IGF2BP3: variants seen among roughly 807,000 people sequenced by gnomAD.
The protein encoded by IGF2BP3 is insulin like growth factor 2 mRNA binding protein 3, also known as insulin-like growth factor 2 mRNA-binding protein 3.
In IGF2BP3, 9 loss-of-function variants were observed where a neutral mutation model predicts 73.8. That is an observed-to-expected ratio of 0.12 (90% confidence interval 0.07 to 0.21). The LOEUF is 0.21. Ranked by LOEUF, IGF2BP3 falls within the 10% of genes least tolerant of loss-of-function variation. The pLI is 1.00. For synonymous variants in IGF2BP3, 258 were observed against 256.7 expected, an observed-to-expected ratio of 1.01 and a Z score of -0.05; for missense variants, 542 against 714.0, an observed-to-expected ratio of 0.76 and a Z score of 2.75.
At chr7:23,461,686 G>A (rs1021299893) in intron 2 of IGF2BP3, among the ~76,000 whole-genome samples, 4 of 152,058 alleles carry the variant, frequency 2.6e-5, no homozygotes, top group Non-Finnish European at 5.9e-5. Flanking sequence ...ATCTCCTGCC[G>A]GAATATTACA....
chr7:23,358,804 A>G (rs1022463382), intron 5 of IGF2BP3, among the ~76,000 whole-genome samples: 2 of 152,236 alleles, frequency 1.3e-5, no homozygotes, highest in African/African-American at 4.8e-5. Context: ...CCTTAGATTA[A>G]CTTTTAAAAA....
In IGF2BP3 at chr7:23,371,708, G is replaced by A. The variant is rs1785553416; in HGVS notation, c.286-9967C>T. Among the ~76,000 whole-genome samples the A allele has an allele frequency of 3.3e-5, 5 of 152,260 alleles. No homozygotes were observed. The South Asian group carries it at 1.0e-3, about 32-fold the overall frequency. On this transcript the variant is annotated intron_variant, in intron 3 of 14. Coordinates refer to ENST00000258729, the MANE Select transcript of IGF2BP3 (RefSeq NM_006547.3). ...CTTTATCATCGAAAAGCCCCAGAGG[G>A]AAGCTCAGCCTCCATCATACCACAC...
intron 2 of IGF2BP3, among the ~76,000 whole-genome samples, chr7:23,437,304 AAACC>A (rs1787828756): frequency 6.6e-6 from 1 of 151,324 alleles, no homozygotes; most frequent in Admixed American, 6.6e-5. Context: ...CCACATGGTG[AAACC>A]CCCATCTCTA....
chr7:23,453,843 T>G (rs1043941030), intron 2 of IGF2BP3, among the ~76,000 whole-genome samples: 5 of 152,312 alleles, frequency 3.3e-5, no homozygotes, highest in East Asian at 3.9e-4. Flanking sequence ...GTGTTTTTTT[T>G]GTTTGTTTTG....
At chr7:23,438,604 C>A (rs928848189) in intron 2 of IGF2BP3, among the ~76,000 whole-genome samples, 12 of 152,118 alleles carry the variant, frequency 7.9e-5, no homozygotes, top group Admixed American at 7.2e-4. Flanking sequence ...CACAGTGAGA[C>A]CGACTCTATT....
intron 5 of IGF2BP3, among the ~76,000 whole-genome samples, chr7:23,355,721 T>C (rs1785079622): frequency 6.6e-6 from 1 of 152,076 alleles, no homozygotes; most frequent in African/African-American, 2.4e-5. Context: ...TCACTTGAGG[T>C]CAGGAGTTCA....
chr7:23,420,813 C>T (rs1318270776), intron 2 of IGF2BP3, among the ~76,000 whole-genome samples: 1 of 152,152 alleles, frequency 6.6e-6, no homozygotes, highest in Non-Finnish European at 1.5e-5. Context: ...AGTAAAAGCA[C>T]AGTCATCAAG....
intron 3 of IGF2BP3, chr7:23,414,687 C>T (rs1787130232): frequency 6.4e-6 from 1 of 156,968 alleles, no homozygotes; most frequent in Non-Finnish European, 1.4e-5. Flanking sequence ...GGACTATGGA[C>T]TCTAATCTCT....
intron 5 of IGF2BP3, among the ~76,000 whole-genome samples, chr7:23,356,107 T>C (rs1785090608): frequency 6.6e-6 from 1 of 152,114 alleles, no homozygotes; most frequent in Non-Finnish European, 1.5e-5. Flanking sequence ...CATACAGATC[T>C]GAATAGTGGA....
intron 3 of IGF2BP3, among the ~76,000 whole-genome samples, chr7:23,412,540 C>T (rs1159660705): frequency 1.3e-5 from 2 of 152,158 alleles, no homozygotes; most frequent in African/African-American, 4.8e-5. Flanking sequence ...TGTGGGGGCC[C>T]CACCAGCATG....
chr7:23,446,306 A>C (rs1562757877), intron 2 of IGF2BP3, among the ~76,000 whole-genome samples: 1 of 152,190 alleles, frequency 6.6e-6, no homozygotes, highest in Non-Finnish European at 1.5e-5. Flanking sequence ...ACCTTTATGT[A>C]ATCCCAGCAC....
chr7:23,370,065 A>C lies in IGF2BP3; in HGVS notation c.286-8324T>G, dbSNP rs564956957. 9.8e-5 allele frequency among the ~76,000 whole-genome samples: 15 copies of C among 152,302 alleles called. 1 individual carries two copies. Among genetic ancestry groups the C allele is most frequent in the African/African-American group, 3.6e-4 (15 of 41,554 alleles). Reference sequence around the variant, plus strand: ...CTTGTCCAAACTTCAACATGGCATAAGAGGTTGTCAGTTACCTGGTACTAC... The same window carrying C: ...CTTGTCCAAACTTCAACATGGCATACGAGGTTGTCAGTTACCTGGTACTAC... On this transcript the variant is annotated intron_variant, in intron 3 of 14. Coordinates refer to ENST00000258729, the MANE Select transcript of IGF2BP3 (RefSeq NM_006547.3).
chr7:23,423,547 C>G (rs1377119733), intron 2 of IGF2BP3, among the ~76,000 whole-genome samples: 2 of 152,074 alleles, frequency 1.3e-5, no homozygotes, highest in African/African-American at 2.4e-5. Flanking sequence ...ATGCACACTC[C>G]ATAACAACAG....
At chr7:23,432,408 C>CTGT (rs1159024001) in intron 2 of IGF2BP3, among the ~76,000 whole-genome samples, 13 of 152,174 alleles carry the variant, frequency 8.5e-5, no homozygotes, top group African/African-American at 3.1e-4. Flanking sequence ...AAACCTAACA[C>CTGT]TGTTCGAAAG....
intron 11 of IGF2BP3, 115 bp from the exon 12 acceptor site, chr7:23,317,828 G>C (rs997434145): frequency 3.4e-5 from 28 of 834,338 alleles, no homozygotes; most frequent in Middle Eastern, 5.1e-4. Context: ...TAAAGCCTTC[G>C]TGAAGGAAAT....
At chr7:23,457,329 G>C (rs1584066060) in intron 2 of IGF2BP3, among the ~76,000 whole-genome samples, 1 of 151,822 alleles carries the variant, frequency 6.6e-6, no homozygotes, top group South Asian at 2.1e-4. Flanking sequence ...GCCGGGTGTG[G>C]TGGCACACAC....
chr7:23,318,173 A>C (rs940157846), intron 11 of IGF2BP3, among the ~76,000 whole-genome samples: 2 of 152,062 alleles, frequency 1.3e-5, no homozygotes, highest in Admixed American at 6.5e-5. Context: ...CTGTGTATGC[A>C]ACACACTCTA....
chr7:23,380,399 G>A (rs1264866184), intron 3 of IGF2BP3, among the ~76,000 whole-genome samples: 13 of 151,886 alleles, frequency 8.6e-5, no homozygotes, highest in Admixed American at 7.9e-4. Context: ...TCCTGACCTC[G>A]TGATCCATCC....
At chr7:23,354,674 T>G (rs929562765) in intron 5 of IGF2BP3, among the ~76,000 whole-genome samples, 1 of 152,244 alleles carries the variant, frequency 6.6e-6, no homozygotes, top group African/African-American at 2.4e-5. Context: ...TTTATTGTGC[T>G]GCTTTAAAAA....
Sources: allele counts gnomAD v4.1 joint callset (sites outside exome capture counted in the v4.1 genomes callset), GRCh38; gene constraint gnomAD v4.1.1; transcripts MANE v1.5; gene names NCBI Gene and HGNC (gene_info 2026-07-23, HGNC 2026-07-21).